PRIMPOL: variants seen among roughly 807,000 people sequenced by gnomAD.
PRIMPOL encodes DNA-directed primase/polymerase protein.
In PRIMPOL, 54 loss-of-function variants were observed where a neutral mutation model predicts 63.6. That is an observed-to-expected ratio of 0.85 (90% confidence interval 0.68 to 1.07). The LOEUF (loss-of-function observed/expected upper bound fraction) is 1.07, where lower values mean the gene tolerates loss of function less well. PRIMPOL is among the 50% of genes least tolerant of loss of function. PRIMPOL has a pLI of 0.00. For missense variants in PRIMPOL, 610 were observed against 648.3 expected, an observed-to-expected ratio of 0.94 and a Z score of 0.64; for synonymous variants, 197 against 220.2, an observed-to-expected ratio of 0.89 and a Z score of 0.93.
chr4:184,675,018 A>G (rs756269417), intron 7 of PRIMPOL, among the ~76,000 whole-genome samples: 5 of 152,240 alleles, frequency 3.3e-5, no homozygotes, highest in Non-Finnish European at 5.9e-5. Context: ...CGCACTAAAC[A>G]CGATGAAAAA....
chr4:184,658,895 A>G (rs185222922), intron 3 of PRIMPOL, among the ~76,000 whole-genome samples: 2,821 of 146,314 alleles, frequency 0.019, 42 homozygotes, highest in Non-Finnish European at 0.03. Context: ...GCAACAGAGC[A>G]AGACTCTGTT....
chr4:184,683,307 G>A (rs61165411), intron 9 of PRIMPOL, among the ~76,000 whole-genome samples: 15,431 of 151,542 alleles, frequency 0.1, 943 homozygotes, highest in Middle Eastern at 0.17. Context: ...CCTGTAATCC[G>A]AGCTACTCAG....
chr4:184,656,993 G>A, intron 2 of PRIMPOL, 89 bp from the exon 3 acceptor site: 1 of 549,270 alleles, frequency 1.8e-6, no homozygotes, highest in Non-Finnish European at 3.0e-6. Context: ...AAGAAAATAA[G>A]TGTCAGGAAG....
intron 6 of PRIMPOL, among the ~76,000 whole-genome samples, chr4:184,670,701 C>T (rs1387288311): frequency 6.6e-6 from 1 of 152,070 alleles, no homozygotes; most frequent in Non-Finnish European, 1.5e-5. Flanking sequence ...GTGCCCAGCA[C>T]CACACCTGGC....
At chr4:184,653,287 A>G (rs1745257266) in intron 2 of PRIMPOL, among the ~76,000 whole-genome samples, 1 of 152,176 alleles carries the variant, frequency 6.6e-6, no homozygotes, top group Non-Finnish European at 1.5e-5. Flanking sequence ...GCTGGGCATA[A>G]ACGCAGGGAA....
At chr4:184,663,953 T>C (rs1749097453) in intron 5 of PRIMPOL, among the ~76,000 whole-genome samples, 1 of 152,220 alleles carries the variant, frequency 6.6e-6, no homozygotes, top group Non-Finnish European at 1.5e-5. Flanking sequence ...TAATTGGTGA[T>C]AATGTAAAAT....
At chr4:184,682,874 A>T (rs1319859247) in intron 9 of PRIMPOL, among the ~76,000 whole-genome samples, 2 of 149,826 alleles carry the variant, frequency 1.3e-5, no homozygotes, top group Non-Finnish European at 3.0e-5. Context: ...ACTTAGCAAA[A>T]CCCTATCTCT....
At chr4:184,681,548 T>G (rs1384143269) in intron 8 of PRIMPOL, among the ~76,000 whole-genome samples, 2 of 151,802 alleles carry the variant, frequency 1.3e-5, no homozygotes, top group Admixed American at 6.6e-5. Flanking sequence ...TTTATTATTT[T>G]TATTGTTTTT....
intron 11 of PRIMPOL, among the ~76,000 whole-genome samples, chr4:184,689,785 A>AT (rs1156607450): frequency 6.6e-6 from 1 of 152,120 alleles, no homozygotes; most frequent in Non-Finnish European, 1.5e-5. Context: ...TTACAACCAC[A>AT]CCCCAAAGCC....
intron 11 of PRIMPOL, among the ~76,000 whole-genome samples, chr4:184,690,340 TTG>T (rs34363510): frequency 0.18 from 26,788 of 152,184 alleles, 3,529 homozygotes; most frequent in East Asian, 0.7. Flanking sequence ...CTAATAACAT[TTG>T]TGTCTTTGCC....
intron 3 of PRIMPOL, among the ~76,000 whole-genome samples, chr4:184,659,004 T>G (rs780302161): frequency 1.3e-5 from 2 of 152,122 alleles, no homozygotes; most frequent in Non-Finnish European, 2.9e-5. Context: ...ATAAGTAGTT[T>G]TGAAAAATAA....
intron 1 of PRIMPOL, among the ~76,000 whole-genome samples, chr4:184,651,598 C>G (rs1372703821): frequency 3.3e-5 from 5 of 152,196 alleles, no homozygotes; most frequent in African/African-American, 1.2e-4. Flanking sequence ...AATTAGCAAG[C>G]ATTAGCAGCA....
At chr4:184,684,510 G>A (rs892187951) in intron 9 of PRIMPOL, among the ~76,000 whole-genome samples, 1 of 151,826 alleles carries the variant, frequency 6.6e-6, no homozygotes, top group African/African-American at 2.4e-5. Context: ...AATTACTACA[G>A]TAGCTTTTTA....
At chr4:184,658,925 G>T (rs979509765) in intron 3 of PRIMPOL, among the ~76,000 whole-genome samples, 2 of 146,742 alleles carry the variant, frequency 1.4e-5, no homozygotes, top group Non-Finnish European at 3.0e-5. Context: ...AAAAAAAAAG[G>T]CTCCTACATA....
chr4:184,685,141 G>T (rs1401020924), intron 9 of PRIMPOL, among the ~76,000 whole-genome samples: 1 of 152,122 alleles, frequency 6.6e-6, no homozygotes. Flanking sequence ...GGACGTGAGG[G>T]ACTGCCTTTC....
chr4:184,681,942 T>G (rs1579577046), intron 8 of PRIMPOL, among the ~76,000 whole-genome samples: 1 of 152,200 alleles, frequency 6.6e-6, no homozygotes, highest in Non-Finnish European at 1.5e-5. Flanking sequence ...TAAGAAACCA[T>G]GGACACAGGG....
intron 11 of PRIMPOL, among the ~76,000 whole-genome samples, chr4:184,689,611 C>T (rs1223434423): frequency 2.0e-5 from 3 of 151,954 alleles, no homozygotes; most frequent in Non-Finnish European, 4.4e-5. Context: ...CACCGCCACG[C>T]CTGGCTAATT....
chr4:184,675,798 C>T (rs1489830725), intron 7 of PRIMPOL, among the ~76,000 whole-genome samples: 6 of 152,142 alleles, frequency 3.9e-5, no homozygotes, highest in Non-Finnish European at 8.8e-5. Context: ...GCCTGGGCAA[C>T]AGAGTAAGAC....
At chr4:184,662,993 G>T (rs1200980693) in intron 5 of PRIMPOL, among the ~76,000 whole-genome samples, 3 of 146,978 alleles carry the variant, frequency 2.0e-5, no homozygotes, top group Non-Finnish European at 4.5e-5. Context: ...CATTACAGCT[G>T]GTAAATTCTG....
Sources: gnomAD v4.1 joint callset for allele counts (sites outside exome capture counted in the v4.1 genomes callset) on GRCh38, gnomAD v4.1.1 for gene constraint, MANE v1.5 for transcripts, NCBI Gene and HGNC (gene_info 2026-07-23, HGNC 2026-07-21) for gene names.